Variants in PRSS55 observed in about 807,000 individuals in gnomAD.
The protein encoded by PRSS55 is probable serine protease UNQ9391/PRO34284.
A neutral mutation model predicts 23.6 loss-of-function variants in PRSS55; 41 were observed. The observed-to-expected ratio is 1.74, with a 90% CI of 1.35 to 2.26. The LOEUF is 2.26. PRSS55 is among the 30% of genes most tolerant of loss of function. The probability of loss-of-function intolerance (pLI) is 0.00; values close to 1 mark genes in which losing one functional copy is unlikely to be tolerated. For synonymous variants in PRSS55, 262 were observed against 175.5 expected (o/e 1.49, Z -3.90); for missense variants, 669 against 439.1 (o/e 1.52, Z -4.68).
chr8:10,532,166 T>A (rs553428439), intron 3 of PRSS55, among the ~76,000 whole-genome samples: 1 of 152,200 alleles, frequency 6.6e-6, no homozygotes, highest in Admixed American at 6.5e-5. Context: ...CAGGGATGAT[T>A]TGCAGCGAGC....
Position 10,538,586 on chromosome 8 carries a change from A to T in PRSS55, c.852A>T (p.Ile284=). Residue 284 remains isoleucine (I), a synonymous_variant, in exon 5 of 5, where the codon ATA becomes ATT. Transcript: ENST00000328655. ...GTGGAGAGAAGAACACCCCAGGGAT[A>T]TACACCTCGTTGGTGAACTACAACC... The part of the protein sequence containing the change: ...KSCGEKNTPG[I]YTSLVNYNLW... The T allele has an allele frequency of 6.2e-7, 1 of 1,614,134 alleles. No individual in the cohort carries two copies. The highest frequency in any genetic ancestry group is 1.7e-5 in the Admixed American group (1 of 60,034).
At chr8:10,538,403 A>T in intron 4 of PRSS55, 73 bp from the exon 5 acceptor site, 2 of 1,193,868 alleles carry the variant, frequency 1.7e-6, no homozygotes, top group Non-Finnish European at 2.4e-6. Context: ...ATCTTCCATG[A>T]ATGAGCTGTG....
rs777935211 is a variant in PRSS55, at chr8:10,532,894, T to C, written c.599-12T>C. ...CCAGTGGCTTCTCTAATGCGCTTTCTCTCTGGGCCAGCTGACAAAAACTCT... is the reference window on the plus strand; with the variant it reads ...CCAGTGGCTTCTCTAATGCGCTTTCCCTCTGGGCCAGCTGACAAAAACTCT... On this transcript the variant is annotated splice_polypyrimidine_tract_variant and intron_variant, in intron 3 of 4. Transcript: ENST00000328655. 3.7e-6 allele frequency: 6 copies of C among 1,614,036 alleles called. No homozygotes were observed. In the Admixed American group the frequency reaches 1.0e-4, roughly 27 times the overall value.
intron 1 of PRSS55, among the ~76,000 whole-genome samples, chr8:10,528,519 G>A (rs1045068093): frequency 2.0e-5 from 3 of 152,274 alleles, no homozygotes; most frequent in Admixed American, 6.5e-5. Flanking sequence ...AGCTGGACCC[G>A]GCCTCTGTCC....
intron 4 of PRSS55, among the ~76,000 whole-genome samples, chr8:10,534,028 T>C (rs1262034740): frequency 6.6e-6 from 1 of 151,956 alleles, no homozygotes; most frequent in Non-Finnish European, 1.5e-5. Context: ...TAGCACTAGG[T>C]TTAGGAGCCC....
chr8:10,529,150 C>A (rs1812149892), intron 1 of PRSS55, among the ~76,000 whole-genome samples: 1 of 152,324 alleles, frequency 6.6e-6, no homozygotes. Flanking sequence ...TCTTTGGGGG[C>A]TATTGTCCTG....
intron 4 of PRSS55, among the ~76,000 whole-genome samples, chr8:10,537,209 A>C (rs1016986046): frequency 6.6e-6 from 1 of 152,234 alleles, no homozygotes; most frequent in Non-Finnish European, 1.5e-5. Context: ...CACAATAGCC[A>C]AGATTTGGAA....
intron 4 of PRSS55, among the ~76,000 whole-genome samples, chr8:10,544,219 G>A (rs534836546): frequency 9.2e-5 from 14 of 152,172 alleles, no homozygotes; most frequent in Non-Finnish European, 1.9e-4. Flanking sequence ...ATGCACGTAT[G>A]TTTACAGTTG....
chr8:10,532,676 T>C (rs1181394687), intron 3 of PRSS55, among the ~76,000 whole-genome samples: 1 of 151,724 alleles, frequency 6.6e-6, no homozygotes, highest in Non-Finnish European at 1.5e-5. Context: ...TTCTTGGGAG[T>C]AGAAATTTGG....
At chr8:10,542,713 CA>C (rs71538081), downstream of PRSS55, among the ~76,000 whole-genome samples, 12 of 147,902 alleles carry the variant, frequency 8.1e-5, no homozygotes, top group Admixed American at 3.4e-4. Flanking sequence ...ACTAAAAATA[CA>C]AAAAAAAAAT....
downstream of PRSS55, chr8:10,540,694 A>G (rs1812631230): frequency 1.3e-5 from 2 of 152,168 alleles, no homozygotes; most frequent in African/African-American, 4.8e-5. Context: ...CGGCCTGGGC[A>G]TCAAGAGTGA....
intron 4 of PRSS55, chr8:10,547,326 C>G (rs909686790): frequency 6.6e-6 from 1 of 152,452 alleles, no homozygotes; most frequent in African/African-American, 2.4e-5. Context: ...CCCCTCCCTC[C>G]CCGAGAGCCC....
chr8:10,538,378 T>G, intron 4 of PRSS55, 98 bp from the exon 5 acceptor site: 1 of 954,954 alleles, frequency 1.0e-6, no homozygotes, highest in Admixed American at 2.6e-5. Context: ...CAGCCAGAGT[T>G]GGGGAGGCTG....
intron 4 of PRSS55, 113 bp downstream of exon 4, chr8:10,533,161 T>G (rs1018957933): frequency 2.5e-6 from 3 of 1,193,054 alleles, no homozygotes; most frequent in South Asian, 1.5e-5. Flanking sequence ...GGAAAATGTA[T>G]GGGAATTAGG....
intron 4 of PRSS55, among the ~76,000 whole-genome samples, chr8:10,548,759 C>T (rs1300240513): frequency 1.8e-5 from 2 of 112,644 alleles, no homozygotes; most frequent in African/African-American, 5.5e-5. Flanking sequence ...AGGGCAGCCA[C>T]AGGGCTCCCG....
chr8:10,543,114 G>C (rs1388540328), downstream of PRSS55, among the ~76,000 whole-genome samples: 2 of 152,048 alleles, frequency 1.3e-5, no homozygotes, highest in Non-Finnish European at 2.9e-5. Context: ...ACCAATGTGA[G>C]GCCCTCAACC....
At chr8:10,529,412 T>C (rs995401424) in intron 1 of PRSS55, 95 bp from the exon 2 acceptor site, 3 of 1,273,650 alleles carry the variant, frequency 2.4e-6, no homozygotes, top group African/African-American at 2.9e-5. Context: ...GGATATCCAC[T>C]TGGAAGCCTG....
chr8:10,550,492 C>G (rs541858024), intron 4 of PRSS55, among the ~76,000 whole-genome samples: 1 of 152,226 alleles, frequency 6.6e-6, no homozygotes, highest in African/African-American at 2.4e-5. Flanking sequence ...TTTCTGGGAC[C>G]CTTGATGGGA....
chr8:10,530,961 T>C (rs899209870), intron 2 of PRSS55, among the ~76,000 whole-genome samples: 2 of 152,180 alleles, frequency 1.3e-5, no homozygotes, highest in African/African-American at 4.8e-5. Flanking sequence ...GTCAGTTTGA[T>C]CCGTGCCAAG....
Sources: gnomAD v4.1 joint callset for allele counts (sites outside exome capture counted in the v4.1 genomes callset) on GRCh38, gnomAD v4.1.1 for gene constraint, MANE v1.5 for transcripts, NCBI Gene and HGNC (gene_info 2026-07-23, HGNC 2026-07-21) for gene names.